The following NR3C2 variants were observed in gnomAD, a reference collection of about 807,000 sequenced individuals.
NR3C2 encodes the protein mineralocorticoid receptor.
A neutral mutation model predicts 86.4 loss-of-function variants in NR3C2; 15 were observed. The ratio of observed to expected loss-of-function variants is 0.17; its 90% CI spans 0.12 to 0.27. The LOEUF is 0.27. NR3C2 is among the 10% of genes least tolerant of loss of function. The probability of loss-of-function intolerance (pLI) is 1.00; values close to 1 mark genes in which losing one functional copy is unlikely to be tolerated. For synonymous variants in NR3C2, 458 were observed against 450.5 expected (o/e 1.02, Z -0.21); for missense variants, 960 against 1,195.6 (o/e 0.80, Z 2.91).
At chr4:148,439,986 T>C (rs1010432176) in intron 1 of NR3C2, among the ~76,000 whole-genome samples, 1 of 152,192 alleles carries the variant, frequency 6.6e-6, no homozygotes, top group African/African-American at 2.4e-5. Flanking sequence ...TAACATAAAA[T>C]AGGCTGTGTT....
At chr4:148,324,485 C>G (rs1459267213) in intron 2 of NR3C2, among the ~76,000 whole-genome samples, 2 of 151,938 alleles carry the variant, frequency 1.3e-5, no homozygotes, top group African/African-American at 4.8e-5. Context: ...GCTGCAAACT[C>G]AGAGAGGCAG....
At chr4:148,201,064 A>G (rs1736695473) in intron 3 of NR3C2, 1 of 152,202 alleles carries the variant, frequency 6.6e-6, no homozygotes, top group South Asian at 2.1e-4. Context: ...GGGGCACTCC[A>G]TAGGAAACTG....
chr4:148,418,026 C>T (rs918039510), intron 2 of NR3C2, among the ~76,000 whole-genome samples: 1 of 151,986 alleles, frequency 6.6e-6, no homozygotes, highest in Non-Finnish European at 1.5e-5. Flanking sequence ...GAGTTGTATG[C>T]CAAGTAATTT....
intron 2 of NR3C2, among the ~76,000 whole-genome samples, chr4:148,261,797 C>A (rs1740136537): frequency 6.6e-6 from 1 of 152,152 alleles, no homozygotes; most frequent in Admixed American, 6.5e-5. Context: ...TTTTTCAAGT[C>A]TGCTAAAATG....
At chr4:148,121,033 AT>A (rs1274700028) in intron 6 of NR3C2, among the ~76,000 whole-genome samples, 3 of 151,942 alleles carry the variant, frequency 2.0e-5, no homozygotes, top group African/African-American at 4.8e-5. Context: ...AGGCATCACT[AT>A]TTTTTTTAGA....
intron 2 of NR3C2, among the ~76,000 whole-genome samples, chr4:148,434,778 C>G (rs61759974): frequency 6.6e-6 from 1 of 152,132 alleles, no homozygotes; most frequent in Non-Finnish European, 1.5e-5. Context: ...AAATCTAGTA[C>G]TGGTCTGCTA....
chr4:148,270,963 G>A, intron 2 of NR3C2, among the ~76,000 whole-genome samples: 1 of 152,062 alleles, frequency 6.6e-6, no homozygotes, highest in Non-Finnish European at 1.5e-5. Flanking sequence ...CTGACCTCTG[G>A]CTTTAATGAT....
chr4:148,107,839 C>A (rs1328341038), intron 8 of NR3C2, among the ~76,000 whole-genome samples: 2 of 151,940 alleles, frequency 1.3e-5, no homozygotes, highest in African/African-American at 2.4e-5. Context: ...CAAACCGGGG[C>A]CTATTTGGAG....
chr4:148,283,729 A>T (rs958086733), intron 2 of NR3C2, among the ~76,000 whole-genome samples: 3 of 152,262 alleles, frequency 2.0e-5, no homozygotes, highest in Non-Finnish European at 4.4e-5. Context: ...AATAAAAAAT[A>T]ACATAACTCA....
rs372791806 is a variant in NR3C2 at position 148,367,027 on chromosome 4, A to C, written c.1757+68077T>G. On this transcript the variant is annotated intron_variant, in intron 2 of 8. Coordinates refer to ENST00000358102, the MANE Select transcript of NR3C2 (RefSeq NM_000901.5). ...TTTTAATAAGTAAGAAACATCCCTC[A>C]TAAAGGCAGAAAGAGGTGTGTTACA... is the stretch of plus-strand genomic sequence containing the variant. Among the ~76,000 whole-genome samples the C allele has an allele frequency of 2.6e-5, 4 of 152,200 alleles. No homozygotes were observed. The East Asian group carries it at 7.7e-4, about 29-fold the overall frequency.
At chr4:148,324,863 C>T (rs994743850) in intron 2 of NR3C2, among the ~76,000 whole-genome samples, 1 of 152,122 alleles carries the variant, frequency 6.6e-6, no homozygotes, top group African/African-American at 2.4e-5. Context: ...TAACAAGTAT[C>T]GTAGAAATCT....
chr4:148,129,005 T>G (rs939085326), intron 6 of NR3C2, among the ~76,000 whole-genome samples: 1 of 152,210 alleles, frequency 6.6e-6, no homozygotes, highest in Non-Finnish European at 1.5e-5. Flanking sequence ...GGAAAAAGCT[T>G]CTTTCTTGAT....
chr4:148,436,324 G>A lies in NR3C2; in HGVS notation c.537C>T (p.Ala179=), dbSNP rs145148455. Residue 179 remains alanine (A), a synonymous_variant, in exon 2 of 9, where the codon GCC becomes GCT. Transcript: ENST00000358102. ...GSSVNGGVMR[A]VVKSPIMCHE... ...GACACATGATAGGGCTTTTAACAAC[G>A]GCGCGCATGACGCCACCATTCACGG... The A allele has an allele frequency of 2.9e-5, 47 of 1,614,156 alleles. No homozygotes were observed. In the East Asian group the frequency reaches 8.7e-4, roughly 30 times the overall value.
At chr4:148,321,785 A>T (rs913929520) in intron 2 of NR3C2, among the ~76,000 whole-genome samples, 4 of 152,042 alleles carry the variant, frequency 2.6e-5, no homozygotes, top group African/African-American at 9.7e-5. Flanking sequence ...TGCACATGAG[A>T]TGGGTTTCCT....
At chr4:148,223,593 C>T (rs1490566509) in intron 3 of NR3C2, among the ~76,000 whole-genome samples, 1 of 152,028 alleles carries the variant, frequency 6.6e-6, no homozygotes, top group Non-Finnish European at 1.5e-5. Flanking sequence ...TGGTAAAATA[C>T]CAACTGAGTA....
intron 2 of NR3C2, among the ~76,000 whole-genome samples, chr4:148,280,522 A>T (rs1240292658): frequency 6.6e-6 from 1 of 151,976 alleles, no homozygotes; most frequent in Non-Finnish European, 1.5e-5. Flanking sequence ...CTTTTGAGAC[A>T]AGATCTTACA....
At chr4:148,365,509 T>C (rs1436060946) in intron 2 of NR3C2, among the ~76,000 whole-genome samples, 1 of 152,168 alleles carries the variant, frequency 6.6e-6, no homozygotes, top group Non-Finnish European at 1.5e-5. Flanking sequence ...GTAACCCTTA[T>C]CAAATTATGT....
At chr4:148,084,746 G>C (rs947844408) in intron 8 of NR3C2, among the ~76,000 whole-genome samples, 1 of 151,984 alleles carries the variant, frequency 6.6e-6, no homozygotes, top group Non-Finnish European at 1.5e-5. Context: ...AAAATCCATC[G>C]GTGTGCTGTA....
chr4:148,271,151 C>T (rs1309163685), intron 2 of NR3C2, among the ~76,000 whole-genome samples: 1 of 152,170 alleles, frequency 6.6e-6, no homozygotes, highest in East Asian at 1.9e-4. Context: ...GAGTTCTCTT[C>T]CATGATCACA....
Sources: allele counts gnomAD v4.1 joint callset (sites outside exome capture counted in the v4.1 genomes callset), GRCh38; gene constraint gnomAD v4.1.1; transcripts MANE v1.5; gene names NCBI Gene and HGNC (gene_info 2026-07-23, HGNC 2026-07-21).